Variants in CDH22 observed in about 807,000 individuals in gnomAD.
The protein encoded by CDH22 is cadherin-22.
CDH22 carries 30 observed loss-of-function variants against 58.4 expected under a neutral mutation model. That is an observed-to-expected ratio of 0.51 (90% CI 0.38 to 0.70). The LOEUF (loss-of-function observed/expected upper bound fraction) is 0.70, where lower values mean the gene tolerates loss of function less well. Among genes scored for constraint, CDH22 ranks in the 30% least tolerant of loss-of-function variants. The pLI is 0.00. For missense variants in CDH22, 1,014 were observed against 1,233.9 expected (o/e 0.82, Z 2.67); for synonymous variants, 513 against 558.2 (o/e 0.92, Z 1.14).
At chr20:46,178,361 C>G (rs1225027754) in intron 10 of CDH22, among the ~76,000 whole-genome samples, 164 bp from the exon 11 acceptor site, 2 of 152,058 alleles carry the variant, frequency 1.3e-5, no homozygotes, top group Non-Finnish European at 2.9e-5. Context: ...ATTCTATTAC[C>G]AGATGCCTCC....
intron 1 of CDH22, among the ~76,000 whole-genome samples, chr20:46,263,234 G>C (rs1042885818): frequency 2.0e-5 from 3 of 152,200 alleles, no homozygotes; most frequent in Non-Finnish European, 4.4e-5. Context: ...TGAACGGAAG[G>C]ACACATGATG....
chr20:46,279,796 G>A (rs932207144), intron 1 of CDH22, among the ~76,000 whole-genome samples: 2 of 152,192 alleles, frequency 1.3e-5, no homozygotes, highest in Non-Finnish European at 2.9e-5. Flanking sequence ...ATTTTTAAAA[G>A]AAATTAACCA....
At chr20:46,196,362 C>G (rs1176830275) in intron 8 of CDH22, among the ~76,000 whole-genome samples, 1 of 152,074 alleles carries the variant, frequency 6.6e-6, no homozygotes, top group Non-Finnish European at 1.5e-5. Context: ...GCAACCTCTG[C>G]CTTTGGGTTC....
At chr20:46,267,914 G>A (rs917835899) in intron 1 of CDH22, among the ~76,000 whole-genome samples, 7 of 152,240 alleles carry the variant, frequency 4.6e-5, no homozygotes, top group Non-Finnish European at 1.0e-4. Context: ...CAGGGGTGAG[G>A]GAAGCAGGAC....
chr20:46,253,714 G>A (rs796932968), intron 1 of CDH22, among the ~76,000 whole-genome samples: 31 of 152,294 alleles, frequency 2.0e-4, no homozygotes, highest in African/African-American at 7.5e-4. Context: ...TTCCTGGAGC[G>A]TATGGCTTCC....
chr20:46,279,665 C>G (rs1024247530), intron 1 of CDH22, among the ~76,000 whole-genome samples: 4 of 152,164 alleles, frequency 2.6e-5, no homozygotes, highest in Non-Finnish European at 4.4e-5. Context: ...ATCCTAGGAG[C>G]TGGCGCTGAG....
At position 46,184,314 on chromosome 20, in the gene CDH22, G is replaced by A. The variant is rs139410379; in HGVS notation, c.1663+2274C>T. ...GAGTTTCACCATGTTGGCCAGGCTGGTCTCGAACTTCTGACCTCAACTAAT... is the reference window on the plus strand; with the variant it reads ...GAGTTTCACCATGTTGGCCAGGCTGATCTCGAACTTCTGACCTCAACTAAT... On this transcript the variant is annotated intron_variant, in intron 10 of 11. Coordinates refer to ENST00000537909, the MANE Select transcript of CDH22 (RefSeq NM_021248.3). Among the ~76,000 whole-genome samples the A allele has an allele frequency of 3.9e-3, 596 of 152,214 alleles. 3 individuals carry two copies. The highest frequency in any genetic ancestry group is 0.013 in the African/African-American group (526 of 41,518).
At chr20:46,306,091 C>T (rs920606177) in intron 1 of CDH22, among the ~76,000 whole-genome samples, 1 of 152,264 alleles carries the variant, frequency 6.6e-6, no homozygotes, top group Non-Finnish European at 1.5e-5. Flanking sequence ...CTGCTAAAGG[C>T]ATTCAACAGC....
rs577128459 is a variant in CDH22 at position 46,264,864 on chromosome 20, C to G, written c.-399-13171G>C. ...CACACACACACCGTGCACACACACA[C>G]ACCGTGCGCACACACACACACCGTG... is the stretch of plus-strand genomic sequence containing the variant. On this transcript the variant is annotated intron_variant, in intron 1 of 11. Coordinates refer to ENST00000537909, the MANE Select transcript of CDH22 (RefSeq NM_021248.3). 2.7e-5 allele frequency among the ~76,000 whole-genome samples: 4 copies of G among 148,540 alleles called. 1 individual carries two copies. Among genetic ancestry groups the G allele is most frequent in the Admixed American group, 1.3e-4 (2 of 15,146 alleles).
At chr20:46,226,292 C>CTTCTTCTTCTTCTTTT (rs2086174105) in intron 4 of CDH22, among the ~76,000 whole-genome samples, 1 of 105,446 alleles carries the variant, frequency 9.5e-6, no homozygotes, top group African/African-American at 5.1e-5. Context: ...TCTTCTTCTT[C>CTTCTTCTTCTTCTTTT]TTTTTTTTTT....
chr20:46,240,464 G>A (rs2086281282), intron 3 of CDH22, among the ~76,000 whole-genome samples: 1 of 152,118 alleles, frequency 6.6e-6, no homozygotes, highest in Non-Finnish European at 1.5e-5. Context: ...TTGTTGCCAA[G>A]GGCTGCGCTG....
intron 4 of CDH22, among the ~76,000 whole-genome samples, chr20:46,218,736 A>T (rs1253521054): frequency 6.6e-6 from 1 of 152,140 alleles, no homozygotes; most frequent in Non-Finnish European, 1.5e-5. Flanking sequence ...TATTGGAAGC[A>T]GGGAGGGCAG....
At chr20:46,249,555 A>C (rs2086355136) in intron 2 of CDH22, among the ~76,000 whole-genome samples, 1 of 152,218 alleles carries the variant, frequency 6.6e-6, no homozygotes, top group Admixed American at 6.5e-5. Flanking sequence ...CCAAAGGTTT[A>C]CATCTAGATT....
chr20:46,294,459 C>T (rs188466490), intron 1 of CDH22, among the ~76,000 whole-genome samples: 9 of 152,224 alleles, frequency 5.9e-5, no homozygotes, highest in Admixed American at 3.3e-4. Flanking sequence ...TAGGAGGGTG[C>T]GGAAAGAGGA....
chr20:46,198,194 C>A (rs2085922645), intron 8 of CDH22, among the ~76,000 whole-genome samples: 1 of 151,786 alleles, frequency 6.6e-6, no homozygotes, highest in Non-Finnish European at 1.5e-5. Flanking sequence ...GCTCTCAGCT[C>A]CTCACCTCCA....
At position 46,175,012 on chromosome 20, in the gene CDH22, C is replaced by T; in HGVS notation, c.1981G>A (p.Glu661Lys). ...TTGATGACGTTGTCCCGCATGTCTT[C>T]ATCCTCGTCCGAGCTCAGGTGGCTC... ...HKSHLSSDED[E>K]DMRDNVIKYN... is the part of the protein sequence containing the mutation. Residue 661 changes from glutamate to lysine, a missense_variant, in exon 12 of 12, where the codon GAA becomes AAA. Coordinates refer to ENST00000537909, the MANE Select transcript of CDH22 (RefSeq NM_021248.3). 1 of 1,609,774 alleles carries T rather than the reference C, an allele frequency of 6.2e-7. No homozygotes were observed. The highest frequency in any genetic ancestry group is 8.5e-7 in the Non-Finnish European group (1 of 1,179,574).
chr20:46,229,218 GA>G (rs1471557958), intron 3 of CDH22, among the ~76,000 whole-genome samples: 2 of 151,870 alleles, frequency 1.3e-5, no homozygotes, highest in African/African-American at 2.4e-5. Flanking sequence ...GAGCACTCAT[GA>G]CACACTGGCT....
At chr20:46,235,008 C>T (rs1169530634) in intron 3 of CDH22, among the ~76,000 whole-genome samples, 1 of 152,244 alleles carries the variant, frequency 6.6e-6, no homozygotes, top group African/African-American at 2.4e-5. Flanking sequence ...AGTTGGGTGA[C>T]TCATCTTTGC....
intron 4 of CDH22, among the ~76,000 whole-genome samples, chr20:46,222,779 C>G (rs1218298142): frequency 6.6e-6 from 1 of 152,240 alleles, no homozygotes; most frequent in African/African-American, 2.4e-5. Flanking sequence ...GCAGGCCTGG[C>G]CTTTAAAACA....
Sources: gnomAD v4.1 joint callset for allele counts (sites outside exome capture counted in the v4.1 genomes callset) on GRCh38, gnomAD v4.1.1 for gene constraint, MANE v1.5 for transcripts, NCBI Gene and HGNC (gene_info 2026-07-23, HGNC 2026-07-21) for gene names.